FAM117B: variants seen among roughly 807,000 people sequenced by gnomAD.
The protein encoded by FAM117B is family with sequence similarity 117 member B.
In FAM117B, 22 loss-of-function variants were observed where a neutral mutation model predicts 52.8. The observed-to-expected ratio is 0.42, with a 90% CI of 0.30 to 0.59. The LOEUF (loss-of-function observed/expected upper bound fraction) is 0.59, where lower values mean the gene tolerates loss of function less well. Ranked by LOEUF, FAM117B falls within the 20% of genes least tolerant of loss-of-function variation. FAM117B has a pLI of 0.22. For synonymous variants in FAM117B, 309 were observed against 324.1 expected (o/e 0.95, Z 0.50); for missense variants, 678 against 802.6 (o/e 0.84, Z 1.88).
rs1559118900 is a variant in FAM117B at position 202,765,935 on chromosome 2, T to C, written c.*171T>C. The C allele has an allele frequency of 3.0e-6, 2 of 655,844 alleles. No homozygotes were observed. The highest frequency in any genetic ancestry group is 5.1e-6 in the Non-Finnish European group (2 of 388,892). 40.6% of individuals were successfully genotyped at this position (655,844 alleles called of 1,614,324 possible). A position where few individuals can be genotyped will look rare whatever the true frequency, so the allele number is the denominator to read the frequency against. ...TCCCCCGTGACGGCTCTGCCCCACT[T>C]GTGAACGCCAACCCTCAGTGCTTAG... On this transcript the variant is annotated 3_prime_UTR_variant, in exon 8 of 8. Coordinates refer to ENST00000392238, the MANE Select transcript of FAM117B (RefSeq NM_173511.4).
chr2:202,728,191 GT>G (rs1691286062), intron 4 of FAM117B, among the ~76,000 whole-genome samples: 1 of 151,966 alleles, frequency 6.6e-6, no homozygotes, highest in Non-Finnish European at 1.5e-5. Context: ...TGGGGTCTGT[GT>G]TGCCCAAGCT....
Position 202,666,500 on chromosome 2 carries a change from T to C in FAM117B, c.602-29381T>C, listed in dbSNP as rs114925990. ...AGAGAAGTTCAGCCAGCCACATTTT[T>C]TTTTAAATTGTATCTGAGCATGTAC... On this transcript the variant is annotated intron_variant, in intron 1 of 7. Coordinates refer to ENST00000392238, the MANE Select transcript of FAM117B (RefSeq NM_173511.4). Among the ~76,000 whole-genome samples the C allele has an allele frequency of 8.5e-3, 1,295 of 151,968 alleles. 24 individuals carry two copies. Among genetic ancestry groups the C allele is most frequent in the African/African-American group, 0.03 (1,223 of 41,418 alleles).
chr2:202,699,276 A>G (rs925489460), intron 2 of FAM117B, among the ~76,000 whole-genome samples: 4 of 151,510 alleles, frequency 2.6e-5, no homozygotes, highest in Non-Finnish European at 5.9e-5. Flanking sequence ...AATATACAAA[A>G]ATTAGCCAGG....
chr2:202,759,274 C>T lies in FAM117B; in HGVS notation c.1372C>T (p.Pro458Ser). Residue 458 changes from proline (P) to serine (S), a missense_variant, in exon 7 of 8, where the codon CCA becomes TCA. This residue lies in a region of FAM117B where 583 missense variants were observed against 644.8 expected (regional missense o/e 0.90). Transcript: ENST00000392238. ...TCCTTTGCCCAAATATGCAACCTCA[C>T]CAAAACCTAACAACAGTTATATGTT... ...NSPLPKYATS[P>S]KPNNSYMFKR... 1 of 1,614,088 alleles carries T rather than the reference C, an allele frequency of 6.2e-7. No individual in the cohort carries two copies. Among genetic ancestry groups the T allele is most frequent in the Non-Finnish European group, 8.5e-7 (1 of 1,180,016 alleles).
chr2:202,667,593 CTG>C (rs1337683898), intron 1 of FAM117B, among the ~76,000 whole-genome samples: 1 of 152,070 alleles, frequency 6.6e-6, no homozygotes, highest in Non-Finnish European at 1.5e-5. Context: ...AGAGGAATAA[CTG>C]TGTCAAGGTA....
At chr2:202,694,670 G>C (rs1310627879) in intron 1 of FAM117B, among the ~76,000 whole-genome samples, 1 of 152,048 alleles carries the variant, frequency 6.6e-6, no homozygotes, top group Admixed American at 6.5e-5. Context: ...ACCTACCCCT[G>C]TTACAAAGCT....
At chr2:202,659,344 C>G (rs1031563482) in intron 1 of FAM117B, among the ~76,000 whole-genome samples, 1 of 151,898 alleles carries the variant, frequency 6.6e-6, no homozygotes, top group Non-Finnish European at 1.5e-5. Flanking sequence ...GAATCTCGCT[C>G]TCTTGCCCAG....
intron 1 of FAM117B, among the ~76,000 whole-genome samples, chr2:202,682,883 A>G (rs1690483298): frequency 6.6e-6 from 1 of 152,224 alleles, no homozygotes; most frequent in South Asian, 2.1e-4. Context: ...TACAGTTAAA[A>G]CGTGTAGAAG....
At chr2:202,741,644 C>T (rs1438934507) in intron 4 of FAM117B, among the ~76,000 whole-genome samples, 4 of 151,730 alleles carry the variant, frequency 2.6e-5, no homozygotes, top group Non-Finnish European at 5.9e-5. Flanking sequence ...TGATGCCATT[C>T]TCCTGCCTCA....
At chr2:202,718,846 C>A (rs1407709375) in intron 2 of FAM117B, among the ~76,000 whole-genome samples, 3 of 152,122 alleles carry the variant, frequency 2.0e-5, no homozygotes, top group Non-Finnish European at 4.4e-5. Context: ...TGCCTACCGA[C>A]CTCCCCTGTC....
intron 4 of FAM117B, among the ~76,000 whole-genome samples, chr2:202,737,373 C>A (rs1406638467): frequency 6.6e-6 from 1 of 152,056 alleles, no homozygotes; most frequent in Non-Finnish European, 1.5e-5. Context: ...GATTATACCA[C>A]CACCACTATA....
rs980358123 is a variant in FAM117B, at chr2:202,717,767, C to A, written c.754-7150C>A. 2.0e-5 allele frequency among the ~76,000 whole-genome samples: 3 copies of A among 152,186 alleles called. No homozygotes were observed. The East Asian group carries it at 5.8e-4, about 29-fold the overall frequency. On this transcript the variant is annotated intron_variant, in intron 2 of 7. Coordinates refer to ENST00000392238, the MANE Select transcript of FAM117B (RefSeq NM_173511.4). ...CACTGGGTCAGACCTGAAGCCAGCA[C>A]AGCTTTTCACCCAAGGCCTGCTGTA...
At chr2:202,672,249 G>A (rs1057514584) in intron 1 of FAM117B, among the ~76,000 whole-genome samples, 2 of 152,174 alleles carry the variant, frequency 1.3e-5, no homozygotes, top group Non-Finnish European at 2.9e-5. Context: ...GTCTTGCTCT[G>A]TCGCCCAGGC....
chr2:202,645,689 C>T (rs1485952883), intron 1 of FAM117B, among the ~76,000 whole-genome samples: 8 of 151,072 alleles, frequency 5.3e-5, no homozygotes, highest in East Asian at 2.0e-4. Flanking sequence ...CTGCAACCTC[C>T]GCCTCCCGGG....
At chr2:202,743,036 A>C (rs1352242705) in intron 4 of FAM117B, among the ~76,000 whole-genome samples, 1 of 152,154 alleles carries the variant, frequency 6.6e-6, no homozygotes, top group African/African-American at 2.4e-5. Flanking sequence ...CTGAGGACCC[A>C]CCTGCCCAGC....
chr2:202,715,461 AG>A (rs1044530550), intron 2 of FAM117B, among the ~76,000 whole-genome samples: 6 of 150,832 alleles, frequency 4.0e-5, no homozygotes, highest in African/African-American at 1.5e-4. Context: ...GGCCGGGCAG[AG>A]GCGCTCCTCA....
chr2:202,643,311 G>A (rs1344991393), intron 1 of FAM117B, among the ~76,000 whole-genome samples: 1 of 152,158 alleles, frequency 6.6e-6, no homozygotes, highest in Non-Finnish European at 1.5e-5. Context: ...GCAAGGTTAT[G>A]GAAAATGCGA....
chr2:202,738,800 T>C (rs1445093061), intron 4 of FAM117B, among the ~76,000 whole-genome samples: 1 of 152,180 alleles, frequency 6.6e-6, no homozygotes, highest in Non-Finnish European at 1.5e-5. Flanking sequence ...TAAAATAATG[T>C]ATATAAACTG....
At chr2:202,696,888 C>T (rs1327477236) in intron 2 of FAM117B, among the ~76,000 whole-genome samples, 1 of 152,014 alleles carries the variant, frequency 6.6e-6, no homozygotes, top group African/African-American at 2.4e-5. Flanking sequence ...GGCAGCATGG[C>T]GAAACCTCAT....
Sources: allele counts gnomAD v4.1 joint callset (sites outside exome capture counted in the v4.1 genomes callset), GRCh38; gene constraint gnomAD v4.1.1; regional missense constraint gnomAD v4.1.1; transcripts MANE v1.5; gene names NCBI Gene and HGNC (gene_info 2026-07-23, HGNC 2026-07-21).